Variants in ESR1 observed in about 807,000 individuals in gnomAD.
ESR1 encodes the protein estrogen receptor 1, also known as estrogen receptor.
Under a neutral mutation model 52.7 loss-of-function variants are expected in ESR1, and 12 were observed. The observed-to-expected ratio is 0.23, with a 90% CI of 0.15 to 0.37. ESR1 has a LOEUF of 0.37. Among genes scored for constraint, ESR1 ranks in the 10% least tolerant of loss-of-function variants. The pLI is 1.00. For missense variants in ESR1, 584 were observed against 779.7 expected (o/e 0.75, Z 2.99); for synonymous variants, 305 against 316.8 (o/e 0.96, Z 0.39).
intron 1 of ESR1, chr6:151,808,988 T>C (rs963315236): frequency 3.1e-5 from 8 of 259,342 alleles, no homozygotes; most frequent in Non-Finnish European, 5.9e-5. Flanking sequence ...TGAATGGGTC[T>C]GATTTCGGAG....
At position 151,884,808 on chromosome 6, in the gene ESR1, T is replaced by C. The variant is rs79458900; in HGVS notation, c.760+4037T>C. ...TTTTCCTCTTCATTTGTCTCCTTCCTCTTGAACTTTAGGTTGTAGATTACA... is the reference window on the plus strand; with the variant it reads ...TTTTCCTCTTCATTTGTCTCCTTCCCCTTGAACTTTAGGTTGTAGATTACA... On this transcript the variant is annotated intron_variant, in intron 3 of 7. Coordinates refer to ENST00000206249, the MANE Select transcript of ESR1 (RefSeq NM_000125.4). Among the ~76,000 whole-genome samples, 741 of 152,316 alleles carry C rather than the reference T, an allele frequency of 4.9e-3. 4 individuals are homozygous for C. Among genetic ancestry groups the C allele is most frequent in the African/African-American group, 0.014 (599 of 41,560 alleles).
At position 152,060,879 on chromosome 6, in the gene ESR1, A is replaced by G. The variant is rs9322354; in HGVS notation, c.1236-112A>G. Reference sequence around the variant, plus strand: ...GACAATGGCTGATAGTTTTTTGTTAAAGATTTAGAACCAGTGGATTTTTAT... The same window carrying G: ...GACAATGGCTGATAGTTTTTTGTTAGAGATTTAGAACCAGTGGATTTTTAT... On this transcript the variant is annotated intron_variant, in intron 5 of 7. Coordinates refer to ENST00000206249, the MANE Select transcript of ESR1 (RefSeq NM_000125.4). 133,546 of 857,232 alleles carry G rather than the reference A, an allele frequency of 0.16. 14,693 individuals are homozygous for G. Among genetic ancestry groups the G allele is most frequent in the African/African-American group, 0.44 (25,598 of 58,422 alleles). 53.1% of individuals were successfully genotyped at this position (857,232 alleles called of 1,614,324 possible).
Position 151,867,631 on chromosome 6 carries a change from T to C in ESR1, c.644-13024T>C, listed in dbSNP as rs569886495. Among the ~76,000 whole-genome samples, 714 of 152,270 alleles carry C rather than the reference T, an allele frequency of 4.7e-3. 4 individuals are homozygous for C. Among genetic ancestry groups the C allele is most frequent in the African/African-American group, 0.016 (660 of 41,556 alleles). On this transcript the variant is annotated intron_variant, in intron 2 of 7. Coordinates refer to ENST00000206249, the MANE Select transcript of ESR1 (RefSeq NM_000125.4). ...CTCACACCAGTTAGAATGGCAATCA[T>C]TAAGAAGTCAGGAAACAACAGATGC...
chr6:151,658,485 G>A (rs1777531676), intron 1 of ESR1, among the ~76,000 whole-genome samples: 1 of 152,068 alleles, frequency 6.6e-6, no homozygotes, highest in East Asian at 1.9e-4. Flanking sequence ...TCCCACTTAT[G>A]CACCAAACTC....
intron 6 of ESR1, among the ~76,000 whole-genome samples, chr6:152,077,960 G>C (rs3020378): frequency 0.19 from 29,399 of 152,080 alleles, 3,105 homozygotes; most frequent in South Asian, 0.38. Flanking sequence ...AGACTTTGGG[G>C]GACTGTTGGG....
intron 2 of ESR1, among the ~76,000 whole-genome samples, chr6:151,718,636 GC>G (rs1781230778): frequency 6.6e-6 from 1 of 152,178 alleles, no homozygotes; most frequent in African/African-American, 2.4e-5. Context: ...AGGTTATGGT[GC>G]CCCAGCAAAT....
At chr6:152,046,859 G>T (rs2046270804) in intron 5 of ESR1, among the ~76,000 whole-genome samples, 1 of 152,084 alleles carries the variant, frequency 6.6e-6, no homozygotes, top group Non-Finnish European at 1.5e-5. Context: ...GGAAGGGAGG[G>T]TTTAGGCCAC....
At chr6:151,897,214 T>A (rs543231024) in intron 3 of ESR1, among the ~76,000 whole-genome samples, 26 of 152,174 alleles carry the variant, frequency 1.7e-4, no homozygotes, top group Non-Finnish European at 2.9e-4. Flanking sequence ...CAGGGTACAA[T>A]TTAAATCCAT....
chr6:151,669,390 T>C (rs1379294396), intron 1 of ESR1, among the ~76,000 whole-genome samples: 1 of 151,452 alleles, frequency 6.6e-6, no homozygotes, highest in East Asian at 1.9e-4. Context: ...TTGAGGAAGG[T>C]GGAGGAGTAA....
chr6:151,801,364 G>T (rs1048678018), upstream of ESR1, among the ~76,000 whole-genome samples: 2 of 152,158 alleles, frequency 1.3e-5, no homozygotes, highest in African/African-American at 2.4e-5. Flanking sequence ...ATTGTTAAAA[G>T]AAATTTTCCC....
intron 5 of ESR1, among the ~76,000 whole-genome samples, chr6:152,045,711 A>C (rs928654061): frequency 6.6e-6 from 1 of 152,166 alleles, no homozygotes; most frequent in African/African-American, 2.4e-5. Context: ...TTGGTACTAT[A>C]TTACTATTGT....
At chr6:151,703,963 G>A (rs748896152) in intron 2 of ESR1, among the ~76,000 whole-genome samples, 67 of 152,166 alleles carry the variant, frequency 4.4e-4, no homozygotes, top group Non-Finnish European at 8.5e-4. Flanking sequence ...TGTCACTTAG[G>A]TTGGGTCACC....
Position 152,061,249 on chromosome 6 carries a change from T to TTTA in ESR1, c.1369+126_1369+128dup. The TTTA allele has an allele frequency of 1.1e-6, 1 of 924,438 alleles. No homozygotes were observed. The highest frequency in any genetic ancestry group is 1.7e-6 in the Non-Finnish European group (1 of 578,412). 57.3% of individuals were successfully genotyped at this position (924,438 alleles called of 1,614,324 possible). On this transcript the variant is annotated intron_variant, in intron 6 of 7. Transcript: ENST00000206249. The surrounding 1 kb of genome is among the most constrained non-coding windows in gnomAD (Gnocchi z 4.3). ...ATAGAAAGAAACTACTGACACACGTTTTAAAATAACCTACCAACATTGCAG... is the reference window on the plus strand; with the variant it reads ...ATAGAAAGAAACTACTGACACACGTTTTATTAAAATAACCTACCAACATTGCAG...
chr6:151,761,610 G>A (rs564896338), intron 2 of ESR1, among the ~76,000 whole-genome samples: 2 of 152,158 alleles, frequency 1.3e-5, no homozygotes, highest in East Asian at 3.8e-4. Flanking sequence ...CTTTAACGTT[G>A]CAGTGATCAC....
At chr6:152,081,066 C>T (rs9479213) in intron 6 of ESR1, among the ~76,000 whole-genome samples, 32,051 of 151,968 alleles carry the variant, frequency 0.21, 4,767 homozygotes, top group African/African-American at 0.41. Context: ...AACAGATCAA[C>T]AAGACAGAAG....
At chr6:152,078,470 T>G (rs959857621) in intron 6 of ESR1, among the ~76,000 whole-genome samples, 3 of 152,246 alleles carry the variant, frequency 2.0e-5, no homozygotes, top group African/African-American at 7.2e-5. Flanking sequence ...GAAAACATTT[T>G]TTTTTCCATT....
chr6:151,754,011 A>C (rs561149787), intron 2 of ESR1, among the ~76,000 whole-genome samples: 1 of 152,332 alleles, frequency 6.6e-6, no homozygotes, highest in Non-Finnish European at 1.5e-5. Flanking sequence ...GAGGAGTCAG[A>C]GATTGCAGGG....
chr6:151,733,147 A>C lies in ESR1; in HGVS notation c.-71+31142A>C, dbSNP rs112630832. Among the ~76,000 whole-genome samples the C allele has an allele frequency of 4.2e-3, 638 of 152,344 alleles. 3 individuals carry two copies. Among genetic ancestry groups the C allele is most frequent in the African/African-American group, 0.014 (601 of 41,580 alleles). ...CTTTAATCTTTGCAATCATGCAGTG[A>C]AACAGGTGATTCTCATACTCCCATT... On this transcript the variant is annotated intron_variant, in intron 2 of 2. Transcript: ENST00000404742.
chr6:151,840,958 A>G (rs1784193178), intron 1 of ESR1, among the ~76,000 whole-genome samples: 1 of 152,104 alleles, frequency 6.6e-6, no homozygotes, highest in Non-Finnish European at 1.5e-5. Flanking sequence ...ATGCCTGCCA[A>G]GTCCTGGGCC....
Sources: gnomAD v4.1 joint callset for allele counts (sites outside exome capture counted in the v4.1 genomes callset) on GRCh38, gnomAD v4.1.1 for gene constraint, Gnocchi (gnomAD v3.1) non-coding constraint, MANE v1.5 for transcripts, NCBI Gene and HGNC (gene_info 2026-07-23, HGNC 2026-07-21) for gene names.